Variants in RAB33B observed in about 807,000 individuals in gnomAD.
The protein encoded by RAB33B is RAB33B, member RAS oncogene family.
In RAB33B, 6 loss-of-function variants were observed where a neutral mutation model predicts 15.0. The observed-to-expected ratio is 0.40, with a 90% CI of 0.22 to 0.79. The LOEUF is 0.79. Among genes scored for constraint, RAB33B ranks in the 30% least tolerant of loss-of-function variants. The pLI is 0.37. For synonymous variants in RAB33B, 117 were observed against 108.3 expected (o/e 1.08, Z -0.50); for missense variants, 257 against 296.4 (o/e 0.87, Z 0.98).
At chr4:139,447,506 G>C in the RAB33B span, among the ~76,000 whole-genome samples, 1 of 152,012 alleles carries the variant, frequency 6.6e-6, no homozygotes, top group Non-Finnish European at 1.5e-5. Flanking sequence ...CTGCCACCAG[G>C]AGACACAACA....
At chr4:139,451,924 T>A (rs1749932759), upstream of RAB33B, 1 of 152,254 alleles carries the variant, frequency 6.6e-6, no homozygotes. Flanking sequence ...GTATAATCCA[T>A]CCATTCTTTC....
intron 1 of RAB33B, 34 bp from the exon 2 acceptor site, chr4:139,472,652 T>C (rs1384054772): frequency 6.8e-7 from 1 of 1,477,440 alleles, no homozygotes; most frequent in East Asian, 2.3e-5. Flanking sequence ...TGGAATGGGA[T>C]TTTCAGTTTT....
At chr4:139,444,889 C>T in the RAB33B span, among the ~76,000 whole-genome samples, 4 of 152,194 alleles carry the variant, frequency 2.6e-5, no homozygotes, top group Non-Finnish European at 5.9e-5. Flanking sequence ...AGAGCTGCCT[C>T]TACCTAGAAA....
upstream of RAB33B, chr4:139,453,925 G>A (rs973244881): frequency 2.8e-4 from 87 of 316,178 alleles, no homozygotes; most frequent in East Asian, 5.1e-3. Context: ...CAGGTCCCAC[G>A]CCTGCCTAGG....
the RAB33B span, among the ~76,000 whole-genome samples, chr4:139,440,605 A>C: frequency 6.6e-6 from 1 of 151,088 alleles, no homozygotes; most frequent in African/African-American, 2.4e-5. Flanking sequence ...CCAAGACTGG[A>C]AATTGACCAA....
chr4:139,452,757 T>A (rs1749955319), upstream of RAB33B: 1 of 152,238 alleles, frequency 6.6e-6, no homozygotes, highest in Non-Finnish European at 1.5e-5. Flanking sequence ...GTTTAAGTTC[T>A]ACTACTCATC....
At chr4:139,465,998 C>T (rs1385839029) in intron 1 of RAB33B, among the ~76,000 whole-genome samples, 3 of 152,002 alleles carry the variant, frequency 2.0e-5, no homozygotes, top group African/African-American at 4.8e-5. Context: ...CTGTGTTGCC[C>T]AAGCTGGTAG....
At chr4:139,440,786 A>AT in the RAB33B span, among the ~76,000 whole-genome samples, 1 of 151,582 alleles carries the variant, frequency 6.6e-6, no homozygotes, top group Non-Finnish European at 1.5e-5. Flanking sequence ...CTAATTTTAT[A>AT]TTTTTCGTAG....
At chr4:139,468,761 C>T (rs1750338216) in intron 1 of RAB33B, among the ~76,000 whole-genome samples, 1 of 152,176 alleles carries the variant, frequency 6.6e-6, no homozygotes, top group Admixed American at 6.5e-5. Flanking sequence ...ATTGATCAAA[C>T]CCTTCAGCTT....
intron 1 of RAB33B, among the ~76,000 whole-genome samples, chr4:139,464,390 T>TG (rs1554004070): frequency 3.8e-5 from 3 of 78,364 alleles, no homozygotes; most frequent in Non-Finnish European, 8.3e-5. Context: ...AATACTGTTT[T>TG]TTTTTTTTTT....
At chr4:139,448,780 T>G (rs1188600682), upstream of RAB33B, 1 of 152,146 alleles carries the variant, frequency 6.6e-6, no homozygotes, top group African/African-American at 2.4e-5. Flanking sequence ...CAAATCCCCT[T>G]TTGCAACATG....
chr4:139,447,775 T>C, the RAB33B span, among the ~76,000 whole-genome samples: 1 of 147,862 alleles, frequency 6.8e-6, no homozygotes, highest in African/African-American at 2.5e-5. Context: ...CACGCCATTC[T>C]CCTGCCTCAG....
At chr4:139,440,634 A>G in the RAB33B span, among the ~76,000 whole-genome samples, 2 of 143,882 alleles carry the variant, frequency 1.4e-5, no homozygotes, top group Non-Finnish European at 3.1e-5. Flanking sequence ...TTTTTTTGAG[A>G]CAGAGTCTCG....
At chr4:139,448,575 C>G (rs1372812365), upstream of RAB33B, 1 of 152,162 alleles carries the variant, frequency 6.6e-6, no homozygotes, top group African/African-American at 2.4e-5. Flanking sequence ...GCTGGGATTA[C>G]AGGCATGCAC....
At chr4:139,455,766 A>G (rs1750058310) in intron 1 of RAB33B, among the ~76,000 whole-genome samples, 1 of 152,218 alleles carries the variant, frequency 6.6e-6, no homozygotes, top group Admixed American at 6.5e-5. Context: ...GTGAAAAATA[A>G]TGGAGCTTCT....
chr4:139,460,009 G>A (rs1750142798), intron 1 of RAB33B, among the ~76,000 whole-genome samples: 1 of 152,132 alleles, frequency 6.6e-6, no homozygotes. Context: ...CAGTTGGTAG[G>A]GTACTCTGGA....
chr4:139,469,383 T>G (rs557793057), intron 1 of RAB33B, among the ~76,000 whole-genome samples: 1 of 152,334 alleles, frequency 6.6e-6, no homozygotes, highest in African/African-American at 2.4e-5. Flanking sequence ...CTTTGTTGAA[T>G]TTATCTGGTA....
chr4:139,447,408 TAG>T, the RAB33B span, among the ~76,000 whole-genome samples: 2 of 152,130 alleles, frequency 1.3e-5, no homozygotes, highest in African/African-American at 2.4e-5. Flanking sequence ...TCATCACCCT[TAG>T]AGAGTCACTA....
chr4:139,475,330 C>T lies in RAB33B; in HGVS notation c.*2204C>T, dbSNP rs1415107251. 1 of 151,784 alleles carries T rather than the reference C, an allele frequency of 6.6e-6. No homozygotes were observed. The highest frequency in any genetic ancestry group is 2.4e-5 in the African/African-American group (1 of 41,388). The allele number at this position is 151,784 out of a possible 1,614,324, so 9.4% of individuals were successfully genotyped here. ...CAAGCACATTTATGGTTTTTTATTA[C>T]TATTATTATGGTTTTAAAAAGAGTA... On this transcript the variant is annotated 3_prime_UTR_variant, in exon 2 of 2. Coordinates refer to ENST00000305626, the MANE Select transcript of RAB33B (RefSeq NM_031296.3).
Sources: allele counts gnomAD v4.1 joint callset (sites outside exome capture counted in the v4.1 genomes callset), GRCh38; gene constraint gnomAD v4.1.1; transcripts MANE v1.5; gene names NCBI Gene and HGNC (gene_info 2026-07-23, HGNC 2026-07-21).